The following LIPA variants were observed in gnomAD, a reference collection of about 807,000 sequenced individuals.
The protein encoded by LIPA is lysosomal acid lipase/cholesteryl ester hydrolase.
LIPA carries 26 observed loss-of-function variants against 40.6 expected under a neutral mutation model. The ratio of observed to expected loss-of-function variants is 0.64; its 90% CI spans 0.47 to 0.89. LIPA has a LOEUF of 0.89. Ranked by LOEUF, LIPA falls within the 40% of genes least tolerant of loss-of-function variation. LIPA has a pLI of 0.00. For synonymous variants in LIPA, 188 were observed against 168.4 expected, an observed-to-expected ratio of 1.12 and a Z score of -0.90; for missense variants, 455 against 479.6, an observed-to-expected ratio of 0.95 and a Z score of 0.48.
chr10:89,400,975 G>A (rs1008907118), intron 2 of LIPA, among the ~76,000 whole-genome samples: 25 of 151,876 alleles, frequency 1.6e-4, no homozygotes, highest in African/African-American at 6.1e-4. Context: ...TTCATAAAGG[G>A]TGTTGAATTT....
intron 1 of LIPA, among the ~76,000 whole-genome samples, chr10:89,260,444 A>G (rs1843201633): frequency 2.0e-5 from 3 of 152,210 alleles, no homozygotes; most frequent in Admixed American, 2.0e-4. Flanking sequence ...GGCCCAACTC[A>G]CCTGGCTTAT....
intron 3 of LIPA, among the ~76,000 whole-genome samples, chr10:89,238,746 C>T (rs1248970984): frequency 1.3e-5 from 2 of 152,088 alleles, no homozygotes; most frequent in Non-Finnish European, 2.9e-5. Flanking sequence ...ATTTTCTTTT[C>T]TCTAGCTTAC....
At chr10:89,250,426 G>T (rs1346483426) in intron 1 of LIPA, among the ~76,000 whole-genome samples, 1 of 152,098 alleles carries the variant, frequency 6.6e-6, no homozygotes, top group Non-Finnish European at 1.5e-5. Context: ...AGGAGCAAAC[G>T]TTATCCCCTT....
chr10:89,322,650 T>G (rs1003888135), intron 1 of LIPA, among the ~76,000 whole-genome samples: 16 of 146,600 alleles, frequency 1.1e-4, no homozygotes, highest in African/African-American at 2.3e-4. Context: ...CCAAGGAGAC[T>G]TCTGCAAGCC....
chr10:89,244,417 T>C (rs1280101759), intron 3 of LIPA, among the ~76,000 whole-genome samples: 1 of 152,126 alleles, frequency 6.6e-6, no homozygotes, highest in Non-Finnish European at 1.5e-5. Flanking sequence ...AATAGCTATC[T>C]AACTACCTTA....
At chr10:89,251,784 T>C (rs1289660297), upstream of LIPA, 1 of 152,346 alleles carries the variant, frequency 6.6e-6, no homozygotes, top group East Asian at 1.9e-4. Context: ...GTGCCAGCTC[T>C]CAGGGGCCGG....
chr10:89,355,545 AG>A (rs1843984310), intron 2 of LIPA, among the ~76,000 whole-genome samples: 2 of 152,226 alleles, frequency 1.3e-5, no homozygotes, highest in Admixed American at 1.3e-4. Context: ...TTTGAACCAG[AG>A]AAACTCCATC....
At chr10:89,368,620 C>T (rs1306629934) in intron 2 of LIPA, among the ~76,000 whole-genome samples, 2 of 152,090 alleles carry the variant, frequency 1.3e-5, no homozygotes, top group East Asian at 1.9e-4. Flanking sequence ...TTAAAATATA[C>T]TTATTGAGCT....
intron 2 of LIPA, chr10:89,383,174 C>A: frequency 1.4e-6 from 1 of 694,652 alleles, no homozygotes; most frequent in Non-Finnish European, 2.4e-6. Flanking sequence ...TTCCTAATGA[C>A]ATGACTGTAG....
intron 5 of LIPA, 40 bp from the exon 6 acceptor site, chr10:89,225,268 T>C (rs1368550504): frequency 1.9e-6 from 3 of 1,612,962 alleles, no homozygotes; most frequent in African/African-American, 1.3e-5. Context: ...TTCCATCATC[T>C]GGGATTTCCT....
At chr10:89,309,292 G>A (rs903095126) in intron 1 of LIPA, 2 of 152,160 alleles carry the variant, frequency 1.3e-5, no homozygotes, top group African/African-American at 4.8e-5. Flanking sequence ...CATCCTGGAC[G>A]CAATCCAAAT....
chr10:89,314,103 C>T (rs1843529891), intron 1 of LIPA, among the ~76,000 whole-genome samples: 1 of 152,072 alleles, frequency 6.6e-6, no homozygotes, highest in Admixed American at 6.6e-5. Flanking sequence ...ATTTTTACTT[C>T]TAAGTTTGTT....
intron 2 of LIPA, chr10:89,385,104 A>G (rs1844200943): frequency 5.8e-6 from 1 of 172,298 alleles, no homozygotes; most frequent in Non-Finnish European, 1.2e-5. Flanking sequence ...TGAAATCTTA[A>G]CTTCCCCATT....
At chr10:89,392,547 C>T in intron 2 of LIPA, 1 of 346,526 alleles carries the variant, frequency 2.9e-6, no homozygotes, top group Non-Finnish European at 5.1e-6. Context: ...TTCCAACTTG[C>T]AAGGACACAC....
At chr10:89,341,606 T>C (rs1843871197) in intron 1 of LIPA, among the ~76,000 whole-genome samples, 1 of 152,200 alleles carries the variant, frequency 6.6e-6, no homozygotes. Flanking sequence ...TAATGTAATA[T>C]TTGAAATAAA....
intron 2 of LIPA, among the ~76,000 whole-genome samples, chr10:89,398,718 T>C (rs933123973): frequency 1.3e-5 from 2 of 152,256 alleles, no homozygotes; most frequent in Non-Finnish European, 1.5e-5. Flanking sequence ...GTCTTTTCTT[T>C]TTTAAGGCTG....
chr10:89,296,479 G>A (rs571381331), intron 1 of LIPA, among the ~76,000 whole-genome samples: 1 of 122,252 alleles, frequency 8.2e-6, no homozygotes, highest in East Asian at 2.6e-4. Flanking sequence ...GCAACAGAGC[G>A]AGACTGTCTC....
At chr10:89,326,831 A>G (rs1422936770) in intron 1 of LIPA, among the ~76,000 whole-genome samples, 1 of 152,258 alleles carries the variant, frequency 6.6e-6, no homozygotes, top group Non-Finnish European at 1.5e-5. Flanking sequence ...TCTGTAAAAC[A>G]TTTGAAGAGA....
intron 1 of LIPA, among the ~76,000 whole-genome samples, chr10:89,289,721 GTC>G (rs1462629418): frequency 2.6e-5 from 4 of 152,070 alleles, no homozygotes; most frequent in Non-Finnish European, 4.4e-5. Flanking sequence ...CCACCCTTAA[GTC>G]TCTGTTTGAA....
Sources: gnomAD v4.1 joint callset for allele counts (sites outside exome capture counted in the v4.1 genomes callset) on GRCh38, gnomAD v4.1.1 for gene constraint, MANE v1.5 for transcripts, NCBI Gene and HGNC (gene_info 2026-07-23, HGNC 2026-07-21) for gene names.